CDK14: variants seen among roughly 807,000 people sequenced by gnomAD.
CDK14 encodes cyclin dependent kinase 14.
In CDK14, 34 loss-of-function variants were observed where a neutral mutation model predicts 60.7. The observed-to-expected ratio is 0.56, with a 90% CI of 0.43 to 0.75. The LOEUF is 0.75. Among genes scored for constraint, CDK14 ranks in the 30% least tolerant of loss-of-function variants. CDK14 has a pLI of 0.00. For synonymous variants in CDK14, 197 were observed against 203.7 expected (o/e 0.97, Z 0.28); for missense variants, 482 against 564.1 (o/e 0.85, Z 1.47).
At chr7:91,135,318 A>G (rs1800246581) in intron 14 of CDK14, among the ~76,000 whole-genome samples, 1 of 152,170 alleles carries the variant, frequency 6.6e-6, no homozygotes, top group African/African-American at 2.4e-5. Flanking sequence ...CTTTTAGCAC[A>G]ATTACCATAC....
intron 10 of CDK14, among the ~76,000 whole-genome samples, chr7:91,034,813 T>C (rs1310228942): frequency 6.6e-6 from 1 of 152,132 alleles, no homozygotes; most frequent in African/African-American, 2.4e-5. Context: ...CTGCCAAAAA[T>C]GAACATTCAG....
chr7:90,941,626 T>TTA (rs1406420781), intron 8 of CDK14, among the ~76,000 whole-genome samples: 36 of 146,350 alleles, frequency 2.5e-4, no homozygotes, highest in South Asian at 4.7e-4. Flanking sequence ...TTTTTTTTTT[T>TTA]AATTTTTTGT....
rs567279254 is a variant in CDK14, at chr7:91,192,774, C to A, written c.*29-14391C>A. On this transcript the variant is annotated intron_variant, in intron 14 of 14. Coordinates refer to ENST00000380050, the MANE Select transcript of CDK14 (RefSeq NM_001287135.2). ...ATTAATATTAATACATCACTGATGACATTAATAGAGAAGAAAAAGAATGGA... is the reference window on the plus strand; with the variant it reads ...ATTAATATTAATACATCACTGATGAAATTAATAGAGAAGAAAAAGAATGGA... Among the ~76,000 whole-genome samples, 9 of 152,120 alleles carry A rather than the reference C, an allele frequency of 5.9e-5. No individual in the cohort carries two copies. In the East Asian group the frequency reaches 1.7e-3, roughly 29 times the overall value.
intron 10 of CDK14, among the ~76,000 whole-genome samples, chr7:91,004,090 A>G (rs1327625975): frequency 1.3e-5 from 2 of 152,230 alleles, no homozygotes; most frequent in East Asian, 1.9e-4. Flanking sequence ...CTATGCGTTC[A>G]TACTACAAAG....
Position 91,118,386 on chromosome 7 carries a change from A to G in CDK14, c.*28+178A>G, listed in dbSNP as rs530413944. On this transcript the variant is annotated intron_variant, in intron 14 of 14. Coordinates refer to ENST00000380050, the MANE Select transcript of CDK14 (RefSeq NM_001287135.2). ...CTCAGTCATTTCCATATTTTCAGGC[A>G]CCTACTAGATTCTAACTAAAATTAT... Among the ~76,000 whole-genome samples, 5 of 152,314 alleles carry G rather than the reference A, an allele frequency of 3.3e-5. No homozygotes were observed. The East Asian group carries it at 9.6e-4, about 29-fold the overall frequency.
chr7:91,089,734 A>G (rs1463897155), intron 12 of CDK14, among the ~76,000 whole-genome samples: 1 of 152,118 alleles, frequency 6.6e-6, no homozygotes. Context: ...GTCTGTTTGG[A>G]TGATGAATAT....
intron 14 of CDK14, among the ~76,000 whole-genome samples, chr7:91,119,749 A>T (rs1393595330): frequency 6.6e-6 from 1 of 152,228 alleles, no homozygotes; most frequent in Non-Finnish European, 1.5e-5. Context: ...GTGGAAAGTT[A>T]TGAATGATTT....
At chr7:90,871,272 C>T (rs868851209) in intron 6 of CDK14, among the ~76,000 whole-genome samples, 3 of 151,730 alleles carry the variant, frequency 2.0e-5, no homozygotes, top group African/African-American at 4.8e-5. Context: ...ATAAGTAAAA[C>T]GGTATATTTG....
intron 5 of CDK14, among the ~76,000 whole-genome samples, chr7:90,797,718 A>T (rs1788489172): frequency 6.6e-6 from 1 of 151,942 alleles, no homozygotes. Context: ...GGCAAAGGGG[A>T]AGCAGGCACG....
intron 1 of CDK14, among the ~76,000 whole-genome samples, chr7:90,599,818 T>A (rs1799276151): frequency 6.6e-6 from 1 of 152,242 alleles, no homozygotes; most frequent in Non-Finnish European, 1.5e-5. Flanking sequence ...TGTACAATAC[T>A]ATTATTTAGC....
intron 2 of CDK14, among the ~76,000 whole-genome samples, chr7:90,670,871 A>C (rs113561138): frequency 1.1e-4 from 16 of 152,134 alleles, no homozygotes; most frequent in African/African-American, 3.6e-4. Context: ...CAAATCTCAT[A>C]TCCTTCTCAC....
chr7:90,748,544 A>G (rs1406101412), intron 4 of CDK14, among the ~76,000 whole-genome samples: 1 of 152,228 alleles, frequency 6.6e-6, no homozygotes, highest in Admixed American at 6.5e-5. Context: ...ATAATTTTCT[A>G]TACTGTCCCT....
chr7:91,206,002 G>A (rs1802884657), intron 14 of CDK14, among the ~76,000 whole-genome samples: 1 of 152,048 alleles, frequency 6.6e-6, no homozygotes, highest in African/African-American at 2.4e-5. Context: ...CACCATATTG[G>A]CCAGGATGGT....
At chr7:90,779,252 CA>C (rs1199203484) in intron 4 of CDK14, among the ~76,000 whole-genome samples, 1 of 151,716 alleles carries the variant, frequency 6.6e-6, no homozygotes, top group African/African-American at 2.4e-5. Context: ...GACTCCGTCT[CA>C]AAAAAAGAAA....
At chr7:90,644,313 ATTAT>A (rs754128162) in intron 2 of CDK14, among the ~76,000 whole-genome samples, 2 of 152,210 alleles carry the variant, frequency 1.3e-5, no homozygotes, top group Non-Finnish European at 2.9e-5. Flanking sequence ...AACCAAAACA[ATTAT>A]TTATTACCTA....
chr7:90,675,019 T>C (rs1020823869), intron 2 of CDK14, among the ~76,000 whole-genome samples: 4 of 152,320 alleles, frequency 2.6e-5, no homozygotes, highest in Middle Eastern at 6.8e-3. Context: ...AATAGTTTTT[T>C]TCTTATTATG....
At chr7:91,164,385 C>T (rs895782585) in intron 14 of CDK14, among the ~76,000 whole-genome samples, 4 of 152,086 alleles carry the variant, frequency 2.6e-5, no homozygotes, top group Admixed American at 6.6e-5. Flanking sequence ...TACAACAACC[C>T]GAAGAGAGAG....
At chr7:90,663,534 T>A (rs1490628711) in intron 2 of CDK14, among the ~76,000 whole-genome samples, 2 of 152,210 alleles carry the variant, frequency 1.3e-5, no homozygotes, top group South Asian at 4.1e-4. Flanking sequence ...TCTCCATTTT[T>A]CTAGTGTGAG....
At chr7:91,202,687 C>T (rs900168898) in intron 14 of CDK14, among the ~76,000 whole-genome samples, 20 of 152,144 alleles carry the variant, frequency 1.3e-4, no homozygotes, top group Non-Finnish European at 2.8e-4. Context: ...AGGGACATCC[C>T]GTGCTGCTGG....
Sources: allele counts gnomAD v4.1 joint callset (sites outside exome capture counted in the v4.1 genomes callset), GRCh38; gene constraint gnomAD v4.1.1; transcripts MANE v1.5; gene names NCBI Gene and HGNC (gene_info 2026-07-23, HGNC 2026-07-21).